Variants in HDAC9 observed in about 807,000 individuals in gnomAD.
The protein encoded by HDAC9 is histone deacetylase 9.
HDAC9 carries 41 observed loss-of-function variants against 139.4 expected under a neutral mutation model. The ratio of observed to expected loss-of-function variants is 0.29; its 90% CI spans 0.23 to 0.38. The LOEUF is 0.38. Among genes scored for constraint, HDAC9 ranks in the 10% least tolerant of loss-of-function variants. The probability of loss-of-function intolerance (pLI) is 1.00; values close to 1 mark genes in which losing one functional copy is unlikely to be tolerated. For synonymous variants in HDAC9, 517 were observed against 476.2 expected (o/e 1.09, Z -1.12); for missense variants, 1,147 against 1,297.0 (o/e 0.88, Z 1.78).
At chr7:18,271,508 G>A (rs1796351986) in intron 2 of HDAC9, among the ~76,000 whole-genome samples, 1 of 152,108 alleles carries the variant, frequency 6.6e-6, no homozygotes, top group Non-Finnish European at 1.5e-5. Flanking sequence ...GCAAACATCT[G>A]GTACCAGTTT....
At position 18,168,896 on chromosome 7, in the gene HDAC9, TTTGTGTGTGTGTG is replaced by T. The variant is rs1286521350; in HGVS notation, c.25+6549_25+6561del. ...AATGTCTTGTTTTTTTTTTTTTTTT[TTTGTGTGTGTGTG>T]TGTGTGTGTGTGTGTGTGCGCGCAT... On this transcript the variant is annotated intron_variant, in intron 2 of 12. Transcript: ENST00000417496. Among the ~76,000 whole-genome samples, 6 of 118,394 alleles carry T rather than the reference TTTGTGTGTGTGTG, an allele frequency of 5.1e-5. No homozygotes were observed. The East Asian group carries it at 1.3e-3, about 27-fold the overall frequency. 77.7% of individuals were successfully genotyped at this position (118,394 alleles called of 152,430 possible). A position where few individuals can be genotyped will look rare whatever the true frequency, so the allele number is the denominator to read the frequency against.
intron 2 of HDAC9, among the ~76,000 whole-genome samples, chr7:18,193,906 G>A (rs1790545683): frequency 6.6e-6 from 1 of 152,142 alleles, no homozygotes; most frequent in South Asian, 2.1e-4. Context: ...TTTTTAAAGT[G>A]TTTGTGCAAA....
At chr7:18,471,154 C>G (rs1326143693) in intron 1 of HDAC9, among the ~76,000 whole-genome samples, 1 of 151,932 alleles carries the variant, frequency 6.6e-6, no homozygotes, top group Admixed American at 6.6e-5. Flanking sequence ...GAACAAGGAC[C>G]TTTTTCCTCC....
At chr7:18,186,833 T>C (rs1407634749) in intron 2 of HDAC9, among the ~76,000 whole-genome samples, 1 of 152,248 alleles carries the variant, frequency 6.6e-6, no homozygotes, top group Admixed American at 6.5e-5. Flanking sequence ...AAACTGTTAA[T>C]GTTAATAAAA....
At chr7:18,234,790 AAGTTT>A in intron 2 of HDAC9, among the ~76,000 whole-genome samples, 1 of 152,238 alleles carries the variant, frequency 6.6e-6, no homozygotes, top group Non-Finnish European at 1.5e-5. Context: ...CCACAGAAGT[AAGTTT>A]GAAGGCCAAG....
At chr7:18,895,155 A>G (rs566294240) in intron 22 of HDAC9, among the ~76,000 whole-genome samples, 1 of 152,288 alleles carries the variant, frequency 6.6e-6, no homozygotes, top group African/African-American at 2.4e-5. Flanking sequence ...ATATAACTTT[A>G]AAGTGAGACC....
intron 22 of HDAC9, among the ~76,000 whole-genome samples, chr7:18,895,475 A>G (rs1801103091): frequency 6.6e-6 from 1 of 152,092 alleles, no homozygotes; most frequent in Non-Finnish European, 1.5e-5. Context: ...TGGAATTGAT[A>G]GTATGAAAGA....
At chr7:18,216,630 C>T (rs963148606) in intron 2 of HDAC9, among the ~76,000 whole-genome samples, 3 of 152,090 alleles carry the variant, frequency 2.0e-5, no homozygotes, top group African/African-American at 7.2e-5. Flanking sequence ...CTATTGATGT[C>T]GTAACTTCAT....
intron 2 of HDAC9, among the ~76,000 whole-genome samples, chr7:18,498,301 A>C (rs1056714640): frequency 2.0e-5 from 3 of 152,018 alleles, no homozygotes; most frequent in African/African-American, 4.8e-5. Context: ...AGTTGGACTC[A>C]CCAGAAGCAC....
At chr7:18,204,683 T>C (rs1238078666) in intron 2 of HDAC9, among the ~76,000 whole-genome samples, 1 of 152,074 alleles carries the variant, frequency 6.6e-6, no homozygotes, top group African/African-American at 2.4e-5. Flanking sequence ...CATGTGTCTT[T>C]AATAATTTAA....
At chr7:18,732,793 TTG>T (rs1324717998) in intron 13 of HDAC9, among the ~76,000 whole-genome samples, 5 of 45,586 alleles carry the variant, frequency 1.1e-4, no homozygotes, top group African/African-American at 3.6e-4. Flanking sequence ...ACACGTGTGT[TTG>T]TGTGCGTATG....
chr7:18,431,518 T>C (rs1157266314), intron 1 of HDAC9, among the ~76,000 whole-genome samples: 1 of 152,190 alleles, frequency 6.6e-6, no homozygotes, highest in Non-Finnish European at 1.5e-5. Flanking sequence ...GTTTAATGCA[T>C]GTGTATTATT....
chr7:18,260,744 A>T (rs1323755812), intron 2 of HDAC9, among the ~76,000 whole-genome samples: 1 of 152,256 alleles, frequency 6.6e-6, no homozygotes, highest in Non-Finnish European at 1.5e-5. Context: ...CAAGAGTAAG[A>T]GTAAATGAAT....
intron 6 of HDAC9, among the ~76,000 whole-genome samples, chr7:18,595,620 TC>T: frequency 6.6e-6 from 1 of 151,982 alleles, no homozygotes; most frequent in East Asian, 1.9e-4. Context: ...AAATATGGAT[TC>T]CCCTTATGGC....
chr7:18,315,256 AT>A (rs1166849106), intron 1 of HDAC9, among the ~76,000 whole-genome samples: 2 of 152,198 alleles, frequency 1.3e-5, no homozygotes, highest in East Asian at 3.8e-4. Flanking sequence ...GGGGTCAGGC[AT>A]TCACTGTTCT....
At chr7:18,708,292 A>T (rs1334520659) in intron 12 of HDAC9, among the ~76,000 whole-genome samples, 3 of 152,078 alleles carry the variant, frequency 2.0e-5, no homozygotes, top group African/African-American at 7.2e-5. Context: ...ATGGAGAAAA[A>T]GAGGGAGGAA....
At chr7:18,499,386 A>G (rs1013312778) in intron 2 of HDAC9, among the ~76,000 whole-genome samples, 6 of 152,044 alleles carry the variant, frequency 3.9e-5, no homozygotes, top group African/African-American at 1.4e-4. Flanking sequence ...CAGGCTAAAC[A>G]TGTTTGGTAG....
chr7:18,224,593 T>C (rs1218189114), intron 2 of HDAC9, among the ~76,000 whole-genome samples: 5 of 152,120 alleles, frequency 3.3e-5, no homozygotes, highest in African/African-American at 1.2e-4. Context: ...CAGTATTCTC[T>C]TGAGATTGGG....
intron 2 of HDAC9, among the ~76,000 whole-genome samples, chr7:18,171,692 T>TCA (rs1562704442): frequency 6.6e-6 from 1 of 152,242 alleles, no homozygotes; most frequent in Admixed American, 6.5e-5. Flanking sequence ...TTTCTGCATC[T>TCA]ATTGAGATAA....
Sources: gnomAD v4.1 joint callset for allele counts (sites outside exome capture counted in the v4.1 genomes callset) on GRCh38, gnomAD v4.1.1 for gene constraint, MANE v1.5 for transcripts, NCBI Gene and HGNC (gene_info 2026-07-23, HGNC 2026-07-21) for gene names.